NHSL1: variants seen among roughly 807,000 people sequenced by gnomAD.
The protein encoded by NHSL1 is NHS like 1.
In NHSL1, 48 loss-of-function variants were observed where a neutral mutation model predicts 95.0. The observed-to-expected ratio is 0.51, with a 90% CI of 0.40 to 0.64. The LOEUF (loss-of-function observed/expected upper bound fraction) is 0.64. Among genes scored for constraint, NHSL1 ranks in the 30% least tolerant of loss-of-function variants. The pLI is 0.00. For synonymous variants in NHSL1, 783 were observed against 833.9 expected, an observed-to-expected ratio of 0.94 and a Z score of 1.05; for missense variants, 1,971 against 2,077.7, an observed-to-expected ratio of 0.95 and a Z score of 1.00.
chr6:138,540,402 T>TGCTC (rs1782534020), intron 1 of NHSL1, among the ~76,000 whole-genome samples: 1 of 152,244 alleles, frequency 6.6e-6, no homozygotes, highest in Non-Finnish European at 1.5e-5. Flanking sequence ...GATAGCTTAT[T>TGCTC]ACCAGATTTA....
rs1005269855 is a variant in NHSL1, at chr6:138,534,510, A to C, written c.16+11113T>G. ...TTACCAGCAGAGCCTTTTTCATAGA[A>C]TTCATCACACATCAACCTCAGCACA... On this transcript the variant is annotated intron_variant, in intron 1 of 4. Coordinates refer to the NHSL1 transcript ENST00000342260. Among the ~76,000 whole-genome samples, 25 of 152,314 alleles carry C rather than the reference A, an allele frequency of 1.6e-4. 1 individual carries two copies. Among genetic ancestry groups the C allele is most frequent in the African/African-American group, 5.8e-4 (24 of 41,578 alleles).
At chr6:138,562,768 T>C (rs1275697861) in intron 1 of NHSL1, among the ~76,000 whole-genome samples, 2 of 152,098 alleles carry the variant, frequency 1.3e-5, no homozygotes, top group East Asian at 3.8e-4. Context: ...TTTTCTCGGT[T>C]ACGACAGCCC....
chr6:138,642,331 A>T (rs1784969641), intron 1 of NHSL1, among the ~76,000 whole-genome samples: 1 of 152,216 alleles, frequency 6.6e-6, no homozygotes, highest in Non-Finnish European at 1.5e-5. Flanking sequence ...ATGCAAAAAA[A>T]TACCAAAACC....
intron 1 of NHSL1, among the ~76,000 whole-genome samples, chr6:138,525,628 T>C (rs185565798): frequency 2.0e-4 from 30 of 151,910 alleles, no homozygotes; most frequent in African/African-American, 6.3e-4. Context: ...TACCCAAAGC[T>C]AGACTATATA....
chr6:138,532,939 T>C (rs1241655309), intron 1 of NHSL1, among the ~76,000 whole-genome samples: 1 of 152,172 alleles, frequency 6.6e-6, no homozygotes, highest in Non-Finnish European at 1.5e-5. Flanking sequence ...TAACTTTTAA[T>C]AACCATAACA....
At position 138,422,420 on chromosome 6, in the gene NHSL1, G is replaced by A. The variant is rs1774976237; in HGVS notation, c.*1661C>T. The A allele has an allele frequency of 6.6e-6, 1 of 152,086 alleles. No individual in the cohort carries two copies. The highest frequency in any genetic ancestry group is 6.5e-5 in the Admixed American group (1 of 15,276). The allele number at this position is 152,086 out of a possible 1,614,324, so 9.4% of individuals were successfully genotyped here. On this transcript the variant is annotated 3_prime_UTR_variant, in exon 8 of 8. Coordinates refer to ENST00000343505, the MANE Select transcript of NHSL1 (RefSeq NM_001144060.2). The stretch of plus-strand genomic sequence containing the variant: ...TTGCCTCAAAGACATTTCTATATGG[G>A]TATCTAAAGTTTTAGTTTATAAGTC...
At chr6:138,475,116 TC>T (rs1233405642) in intron 2 of NHSL1, among the ~76,000 whole-genome samples, 1 of 143,576 alleles carries the variant, frequency 7.0e-6, no homozygotes, top group East Asian at 2.0e-4. Context: ...ACCACTACAC[TC>T]CAGCCTGGGC....
At chr6:138,622,000 C>T (rs756461183) in intron 1 of NHSL1, among the ~76,000 whole-genome samples, 5 of 152,080 alleles carry the variant, frequency 3.3e-5, no homozygotes, top group Non-Finnish European at 5.9e-5. Flanking sequence ...TGCAGGGATC[C>T]CATGAAGATT....
chr6:138,602,743 T>C (rs564855805), intron 1 of NHSL1, among the ~76,000 whole-genome samples: 1 of 152,350 alleles, frequency 6.6e-6, no homozygotes, highest in Admixed American at 6.5e-5. Context: ...ATATGGGGCA[T>C]TTATCATTTC....
chr6:138,573,185 T>A (rs1416990171), upstream of NHSL1, among the ~76,000 whole-genome samples: 1 of 152,226 alleles, frequency 6.6e-6, no homozygotes, highest in African/African-American at 2.4e-5. Context: ...CTGCAGGCTC[T>A]AGCCCTGAGC....
intron 1 of NHSL1, among the ~76,000 whole-genome samples, chr6:138,612,259 CTCAG>C (rs1784523953): frequency 6.6e-6 from 1 of 151,974 alleles, no homozygotes; most frequent in South Asian, 2.1e-4. Context: ...TATTTTACTT[CTCAG>C]TATCTATCCA....
In NHSL1 at chr6:138,532,807, T is replaced by C. The variant is rs147557661; in HGVS notation, c.16+12816A>G. 2.9e-3 allele frequency among the ~76,000 whole-genome samples: 437 copies of C among 152,300 alleles called. 2 individuals are homozygous for C. Among genetic ancestry groups the C allele is most frequent in the African/African-American group, 0.01 (420 of 41,562 alleles). Reference sequence around the variant, plus strand: ...ATTTTACTCACGGCTAATAGCATCATGGAAGATTCCAGGCTCATCCCGAAT... The same window carrying C: ...ATTTTACTCACGGCTAATAGCATCACGGAAGATTCCAGGCTCATCCCGAAT... On this transcript the variant is annotated intron_variant, in intron 1 of 4. Coordinates refer to the NHSL1 transcript ENST00000342260.
At chr6:138,531,308 T>C (rs1460019007) in intron 1 of NHSL1, among the ~76,000 whole-genome samples, 1 of 152,244 alleles carries the variant, frequency 6.6e-6, no homozygotes, top group African/African-American at 2.4e-5. Context: ...AATAACTGCC[T>C]TTGGTTGACA....
chr6:138,534,236 C>T (rs1481165323), intron 1 of NHSL1, among the ~76,000 whole-genome samples: 1 of 152,172 alleles, frequency 6.6e-6, no homozygotes, highest in Non-Finnish European at 1.5e-5. Flanking sequence ...ATTAATATTT[C>T]ATTCCTTTAA....
intron 1 of NHSL1, among the ~76,000 whole-genome samples, chr6:138,521,061 C>A (rs557539860): frequency 6.6e-6 from 1 of 152,264 alleles, no homozygotes; most frequent in African/African-American, 2.4e-5. Context: ...CCACAGTATT[C>A]CAGATAAACT....
intron 1 of NHSL1, among the ~76,000 whole-genome samples, chr6:138,674,027 T>C (rs566193327): frequency 6.6e-6 from 1 of 152,320 alleles, no homozygotes; most frequent in East Asian, 1.9e-4. Context: ...TATCAGTAGA[T>C]AAATGGGATT....
intron 1 of NHSL1, among the ~76,000 whole-genome samples, chr6:138,647,894 G>A (rs989604353): frequency 5.3e-5 from 8 of 152,156 alleles, no homozygotes; most frequent in African/African-American, 4.8e-5. Context: ...CCACTGCACC[G>A]GTGTCTAATT....
intron 1 of NHSL1, among the ~76,000 whole-genome samples, chr6:138,658,919 A>G (rs1247886894): frequency 6.6e-6 from 1 of 152,150 alleles, no homozygotes; most frequent in African/African-American, 2.4e-5. Context: ...TTATGTCCAC[A>G]GCCTGGTAAA....
chr6:138,445,647 T>TA (rs1202047172), intron 4 of NHSL1, among the ~76,000 whole-genome samples: 1 of 152,114 alleles, frequency 6.6e-6, no homozygotes, highest in Admixed American at 6.6e-5. Flanking sequence ...GGTAAGGTTT[T>TA]AAAAAAAATC....
Sources: gnomAD v4.1 joint callset for allele counts (sites outside exome capture counted in the v4.1 genomes callset) on GRCh38, gnomAD v4.1.1 for gene constraint, MANE v1.5 for transcripts, NCBI Gene and HGNC (gene_info 2026-07-23, HGNC 2026-07-21) for gene names.